The following EFNA5 variants were observed in gnomAD, a reference collection of about 807,000 sequenced individuals.
The protein encoded by EFNA5 is ephrin A5.
A neutral mutation model predicts 22.9 loss-of-function variants in EFNA5; 5 were observed. The observed-to-expected ratio is 0.22, with a 90% CI of 0.11 to 0.46. The LOEUF is 0.46. EFNA5 is among the 20% of genes least tolerant of loss of function. The pLI, the probability that EFNA5 is intolerant of heterozygous loss-of-function variation, is 0.99. For synonymous variants in EFNA5, 113 were observed against 112.2 expected, an observed-to-expected ratio of 1.01 and a Z score of -0.04; for missense variants, 237 against 293.3, an observed-to-expected ratio of 0.81 and a Z score of 1.40.
Position 107,427,502 on chromosome 5 carries a change from T to G in EFNA5, c.133A>C (p.Arg45=). Residue 45 remains arginine (R), a synonymous_variant, in exon 2 of 5, where the codon AGG becomes CGG. Transcript: ENST00000333274. ...CAGACATCAATATGGTAGTCACCCC[T>G]CTGGAATCTGTTAGAAAAAGAAAAA... ...YWNSSNPRFQ[R]GDYHIDVCIN... is the part of the protein sequence containing the mutation. 6.3e-7 allele frequency: 1 copy of G among 1,582,222 alleles called. No homozygotes were observed. The highest frequency in any genetic ancestry group is 8.6e-7 in the Non-Finnish European group (1 of 1,165,196).
In EFNA5 at chr5:107,427,332, T is replaced by G; in HGVS notation, c.303A>C (p.Glu101Asp). ...DHTSKGFKRW[E>D]CNRPHSPNGP... ...CATTTGGAGAGTGAGGCCGGTTACATTCCCATCTCTTGAACCCTTTGGAAG... is the reference window on the plus strand; with the variant it reads ...CATTTGGAGAGTGAGGCCGGTTACAGTCCCATCTCTTGAACCCTTTGGAAG... The change falls in exon 2 of 5, where the codon GAA (glutamate) becomes GAC (aspartate). Residue 101 changes from glutamate (E) to aspartate (D), a missense_variant. This residue lies in a region of EFNA5 where 120 missense variants were observed against 140.5 expected (regional missense o/e 0.85). Coordinates refer to ENST00000333274, the MANE Select transcript of EFNA5 (RefSeq NM_001962.3). 6.2e-7 allele frequency: 1 copy of G among 1,614,126 alleles called. No individual in the cohort carries two copies. The highest frequency in any genetic ancestry group is 8.5e-7 in the Non-Finnish European group (1 of 1,180,002).
At chr5:107,437,497 A>C (rs975122648) in intron 1 of EFNA5, among the ~76,000 whole-genome samples, 1 of 152,214 alleles carries the variant, frequency 6.6e-6, no homozygotes, top group Admixed American at 6.5e-5. Context: ...GAATTCATCC[A>C]AAGTCAATGT....
intron 4 of EFNA5, among the ~76,000 whole-genome samples, chr5:107,383,143 G>A (rs1490309698): frequency 6.6e-6 from 1 of 152,128 alleles, no homozygotes; most frequent in African/African-American, 2.4e-5. Context: ...TCCTGACCTG[G>A]AGTGCTCTTA....
chr5:107,641,551 T>C (rs1322766077), intron 1 of EFNA5, among the ~76,000 whole-genome samples: 5 of 151,976 alleles, frequency 3.3e-5, no homozygotes, highest in Non-Finnish European at 7.4e-5. Flanking sequence ...AAAAATAAAA[T>C]CCTAGTAAAT....
intron 1 of EFNA5, among the ~76,000 whole-genome samples, chr5:107,551,599 T>C (rs992640188): frequency 6.6e-6 from 1 of 152,016 alleles, no homozygotes; most frequent in Admixed American, 6.6e-5. Context: ...GATTGAGGGA[T>C]CCATACAAGA....
intron 2 of EFNA5, among the ~76,000 whole-genome samples, chr5:107,414,466 T>C (rs1338966986): frequency 6.6e-6 from 1 of 152,162 alleles, no homozygotes; most frequent in African/African-American, 2.4e-5. Context: ...TATTGAATAC[T>C]TTCTCCACAC....
chr5:107,424,500 G>A (rs1240754847), intron 2 of EFNA5, among the ~76,000 whole-genome samples: 1 of 151,724 alleles, frequency 6.6e-6, no homozygotes, highest in Non-Finnish European at 1.5e-5. Flanking sequence ...ACAGATGTGA[G>A]CCACTGTGCA....
intron 1 of EFNA5, among the ~76,000 whole-genome samples, chr5:107,550,838 C>T (rs1340055316): frequency 6.6e-6 from 1 of 152,090 alleles, no homozygotes; most frequent in Non-Finnish European, 1.5e-5. Flanking sequence ...AGGTAGACTA[C>T]AGTAGTATTC....
intron 2 of EFNA5, chr5:107,426,941 G>T: frequency 2.9e-6 from 1 of 344,540 alleles, no homozygotes; most frequent in Non-Finnish European, 5.3e-6. Context: ...GAGCTTTGGA[G>T]AAGTCCTGGC....
intron 1 of EFNA5, among the ~76,000 whole-genome samples, chr5:107,442,532 T>C (rs1359783526): frequency 6.6e-6 from 1 of 152,176 alleles, no homozygotes; most frequent in African/African-American, 2.4e-5. Context: ...AGCTTATGTT[T>C]TCCTAGGAAA....
In EFNA5 at chr5:107,483,041, CTAAT is replaced by C. The variant is rs1258281183; in HGVS notation, c.126-55536_126-55533del. 2.6e-5 allele frequency among the ~76,000 whole-genome samples: 4 copies of C among 152,138 alleles called. No homozygotes were observed. In the South Asian group the frequency reaches 6.2e-4, roughly 24 times the overall value. ...AACCTCGGGAAAACAATTCGTAGAA[CTAAT>C]TAGTTTACAGTGTTTAAGCAGCTTG... On this transcript the variant is annotated intron_variant, in intron 1 of 4. Transcript: ENST00000333274.
intron 1 of EFNA5, among the ~76,000 whole-genome samples, chr5:107,566,951 G>A (rs1748677523): frequency 6.6e-6 from 1 of 152,080 alleles, no homozygotes; most frequent in Non-Finnish European, 1.5e-5. Context: ...TTAGTGTCTA[G>A]CATAACCTTA....
intron 2 of EFNA5, among the ~76,000 whole-genome samples, chr5:107,422,228 G>A (rs1052676880): frequency 3.3e-5 from 5 of 152,118 alleles, no homozygotes; most frequent in Admixed American, 6.5e-5. Flanking sequence ...ATAGTTCTTC[G>A]TAGTGCTGTT....
intron 1 of EFNA5, among the ~76,000 whole-genome samples, chr5:107,446,424 T>G (rs1441529250): frequency 6.6e-6 from 1 of 152,124 alleles, no homozygotes; most frequent in Non-Finnish European, 1.5e-5. Context: ...GAGTGTAATT[T>G]TTGTTTATGA....
intron 1 of EFNA5, among the ~76,000 whole-genome samples, chr5:107,624,303 C>T (rs1750100944): frequency 6.6e-6 from 1 of 152,030 alleles, no homozygotes; most frequent in South Asian, 2.1e-4. Context: ...TTAAAACAGC[C>T]CAATCAGACA....
intron 1 of EFNA5, among the ~76,000 whole-genome samples, chr5:107,468,150 A>G (rs1750042122): frequency 6.6e-6 from 1 of 152,232 alleles, no homozygotes; most frequent in Non-Finnish European, 1.5e-5. Flanking sequence ...TTGTGAAGAA[A>G]TGCAAAATCA....
In EFNA5 at chr5:107,559,683, T is replaced by A. The variant is rs184496246; in HGVS notation, c.125+110806A>T. Among the ~76,000 whole-genome samples, 30 of 152,338 alleles carry A rather than the reference T, an allele frequency of 2.0e-4. No individual in the cohort carries two copies. The East Asian group carries it at 5.6e-3, about 28-fold the overall frequency. ...GAAAATATGGTCTCAAATATAACTG[T>A]TTGAAAGTCATTCATCACATCTCTG... On this transcript the variant is annotated intron_variant, in intron 1 of 4. Coordinates refer to ENST00000333274, the MANE Select transcript of EFNA5 (RefSeq NM_001962.3).
At chr5:107,458,352 G>T (rs1274928485) in intron 1 of EFNA5, among the ~76,000 whole-genome samples, 3 of 152,018 alleles carry the variant, frequency 2.0e-5, no homozygotes, top group Non-Finnish European at 2.9e-5. Flanking sequence ...ATTTCGGCCT[G>T]GTCAGGGGGA....
chr5:107,650,839 C>A (rs925044585), intron 1 of EFNA5, among the ~76,000 whole-genome samples: 3 of 152,122 alleles, frequency 2.0e-5, no homozygotes, highest in Non-Finnish European at 2.9e-5. Context: ...GTATGTGAAT[C>A]CCTAGCAATT....
Sources: gnomAD v4.1 joint callset for allele counts (sites outside exome capture counted in the v4.1 genomes callset) on GRCh38, gnomAD v4.1.1 for gene constraint, gnomAD v4.1.1 regional missense constraint, MANE v1.5 for transcripts, NCBI Gene and HGNC (gene_info 2026-07-23, HGNC 2026-07-21) for gene names.